CFAP126: variants seen among roughly 807,000 people sequenced by gnomAD.
CFAP126 encodes protein Flattop.
CFAP126 carries 21 observed loss-of-function variants against 17.1 expected under a neutral mutation model. That is an observed-to-expected ratio of 1.23 (90% CI 0.87 to 1.77). The LOEUF (loss-of-function observed/expected upper bound fraction) is 1.77. CFAP126 is among the 40% of genes most tolerant of loss of function. CFAP126 has a pLI of 0.00. For missense variants in CFAP126, 174 were observed against 215.4 expected (o/e 0.81, Z 1.20); for synonymous variants, 65 against 73.5 (o/e 0.88, Z 0.59).
Position 161,366,280 on chromosome 1 carries a change from T to G in CFAP126, c.91-2A>C. The G allele has an allele frequency of 6.2e-7, 1 of 1,613,064 alleles. No homozygotes were observed. The highest frequency in any genetic ancestry group is 8.5e-7 in the Non-Finnish European group (1 of 1,179,088). ...GTAGCCTTCATGAGAAGAGATGCTC[T>G]GGGGTACAAGTGGGAGAGATAAAGG... On this transcript the variant is annotated splice_acceptor_variant, in intron 2 of 4. Transcript: ENST00000367974. LOFTEE classifies it high-confidence loss of function.
At position 161,365,043 on chromosome 1, in the gene CFAP126, G is replaced by C. The variant is rs1440200101; in HGVS notation, c.456C>G (p.Leu152=). Residue 152 remains leucine, a synonymous_variant, in exon 5 of 5, where the codon CTC becomes CTG. Transcript: ENST00000367974. ...AGCTTTGGAGTTCATCTGGGGAATT[G>C]AGGTTGGCAGCTGGGGAGCTTGGAA... is the stretch of plus-strand genomic sequence containing the variant. ...TIIPSSPAAN[L]NSPDELQSSH... is the part of the protein sequence containing the mutation. 4 of 1,614,178 alleles carry C rather than the reference G, an allele frequency of 2.5e-6. No homozygotes were observed. The highest frequency in any genetic ancestry group is 3.4e-6 in the Non-Finnish European group (4 of 1,180,010).
intron 1 of CFAP126, chr1:161,367,323 T>C (rs1672760565): frequency 6.5e-6 from 1 of 152,884 alleles, no homozygotes; most frequent in Non-Finnish European, 1.5e-5. Flanking sequence ...CATATCCATA[T>C]TGCTGCCTGT....
chr1:161,367,742 CTATCTGTT>C, intron 1 of CFAP126, 92 bp downstream of exon 1: 1 of 1,124,960 alleles, frequency 8.9e-7, no homozygotes, highest in Non-Finnish European at 1.4e-6. Context: ...CCACTCTCAG[CTATCTGTT>C]CAAAGATCAG....
intron 1 of CFAP126, 174 bp downstream of exon 1, chr1:161,367,668 A>C: frequency 1.9e-6 from 1 of 525,338 alleles, no homozygotes; most frequent in Non-Finnish European, 3.3e-6. Flanking sequence ...AATTTAACCA[A>C]GAGATACCTT....
At chr1:161,367,466 T>G (rs1410695052) in intron 1 of CFAP126, 2 of 186,884 alleles carry the variant, frequency 1.1e-5, no homozygotes, top group African/African-American at 4.7e-5. Context: ...ATTATTTTCA[T>G]TAGTAGTACA....
Position 161,365,642 on chromosome 1 carries a change from G to A in CFAP126, c.232C>T (p.Arg78Trp), listed in dbSNP as rs752232122. The change falls in exon 4 of 5, where the codon CGG becomes TGG. Residue 78 changes from arginine (R) to tryptophan (W), a missense_variant. Coordinates refer to ENST00000367974, the MANE Select transcript of CFAP126 (RefSeq NM_001013625.4). Reference protein sequence around the residue: ...WQMPLKIPPARVTLTSRTTAG... With the variant: ...WQMPLKIPPAWVTLTSRTTAG... ...GTTGTACGGGAGGTCAGGGTCACCC[G>A]AGCAGGGGGTATCTTCAGAGGCATT... The A allele has an allele frequency of 1.5e-5, 24 of 1,613,616 alleles. No homozygotes were observed. Among genetic ancestry groups the A allele is most frequent in the Middle Eastern group, 1.6e-4 (1 of 6,076 alleles).
chr1:161,366,777 T>G, intron 1 of CFAP126: 1 of 437,604 alleles, frequency 2.3e-6, no homozygotes, highest in Non-Finnish European at 4.0e-6. Flanking sequence ...AGTTTTTTTC[T>G]TTTCTTTTTT....
chr1:161,365,939 G>T lies in CFAP126; in HGVS notation c.172-237C>A, dbSNP rs1672714219. The T allele has an allele frequency of 6.6e-6, 4 of 604,970 alleles. No homozygotes were observed. The South Asian group carries it at 8.4e-5, about 13-fold the overall frequency. 37.5% of individuals were successfully genotyped at this position (604,970 alleles called of 1,614,324 possible). A position where few individuals can be genotyped will look rare whatever the true frequency, so the allele number is the denominator to read the frequency against. On this transcript the variant is annotated intron_variant, in intron 3 of 4. Coordinates refer to ENST00000367974, the MANE Select transcript of CFAP126 (RefSeq NM_001013625.4). ...CATCCTTAGGCCGAGTGTGGCAAAG[G>T]AGTACCCACTGCACAAATGTCATCA...
chr1:161,365,991 A>G, intron 3 of CFAP126: 1 of 614,234 alleles, frequency 1.6e-6, no homozygotes, highest in Admixed American at 2.9e-5. Flanking sequence ...TATACAGATC[A>G]TTGATCAATT....
intron 1 of CFAP126, 146 bp downstream of exon 1, chr1:161,367,696 C>T: frequency 1.3e-6 from 1 of 755,194 alleles, no homozygotes; most frequent in Non-Finnish European, 2.2e-6. Context: ...CCCCTGGGCT[C>T]TCTCTATCCC....
intron 4 of CFAP126, 127 bp from the exon 5 acceptor site, chr1:161,365,277 A>G (rs989243389): frequency 9.3e-7 from 1 of 1,076,676 alleles, no homozygotes; most frequent in Admixed American, 2.7e-5. Context: ...TTCAAATAAG[A>G]AAAGTTAAAT....
chr1:161,365,429 C>A, intron 4 of CFAP126, 97 bp downstream of exon 4: 1 of 1,426,216 alleles, frequency 7.0e-7, no homozygotes, highest in Non-Finnish European at 9.8e-7. Flanking sequence ...TAGAGGTCCC[C>A]CATGCTGGGA....
intron 1 of CFAP126, 113 bp from the exon 2 acceptor site, chr1:161,366,614 G>T: frequency 1.1e-6 from 1 of 928,138 alleles, no homozygotes; most frequent in Non-Finnish European, 1.8e-6. Flanking sequence ...CAACCATGTA[G>T]GCTTTAAGTC....
chr1:161,365,614 G>A lies in CFAP126; in HGVS notation c.260C>T (p.Ala87Val), dbSNP rs1272443241. The A allele has an allele frequency of 2.5e-6, 4 of 1,614,166 alleles. No individual in the cohort carries two copies. The highest frequency in any genetic ancestry group is 1.1e-5 in the South Asian group (1 of 91,086). ...ARVTLTSRTT[A>V]GAASLTKWIQ... is the part of the protein sequence containing the mutation. The stretch of plus-strand genomic sequence containing the variant: ...CCATTTGGTGAGGGAGGCAGCACCA[G>A]CAGTTGTACGGGAGGTCAGGGTCAC... The change falls in exon 4 of 5, where the codon GCT becomes GTT. Residue 87 changes from alanine (A) to valine (V), a missense_variant. By Grantham distance (64) the Ala-to-Val change is moderately conservative (BLOSUM62 0). Transcript: ENST00000367974.
At chr1:161,366,835 A>G in intron 1 of CFAP126, 1 of 314,876 alleles carries the variant, frequency 3.2e-6, no homozygotes, top group East Asian at 7.7e-5. Flanking sequence ...AGTCAGTGGC[A>G]TGATCCTAGC....
chr1:161,366,641 A>T, intron 1 of CFAP126, 140 bp from the exon 2 acceptor site: 1 of 781,454 alleles, frequency 1.3e-6, no homozygotes, highest in Non-Finnish European at 2.2e-6. Flanking sequence ...ACAAGGGTGT[A>T]ATTTGTTTGG....
intron 1 of CFAP126, chr1:161,366,818 G>A (rs1672746155): frequency 3.1e-6 from 1 of 325,974 alleles, no homozygotes; most frequent in African/African-American, 2.2e-5. Context: ...TCTGCCACCT[G>A]GGTTGGAGTC....
At chr1:161,366,407 G>A in intron 2 of CFAP126, 32 bp downstream of exon 2, 1 of 1,600,892 alleles carries the variant, frequency 6.2e-7, no homozygotes, top group Non-Finnish European at 8.6e-7. Context: ...AGAGCATGAG[G>A]CTATCTTGTA....
At position 161,364,844 on chromosome 1, in the gene CFAP126, A is replaced by G. The variant is rs1386550052; in HGVS notation, c.*121T>C. On this transcript the variant is annotated 3_prime_UTR_variant, in exon 5 of 5. Transcript: ENST00000367974. ...CTCTTGTTTATTTCACTGAGTCGCT[A>G]TACGGGTTTTTCAGTGTGTGGCCAC... 1.6e-5 allele frequency: 15 copies of G among 945,808 alleles called. No homozygotes were observed. The highest frequency in any genetic ancestry group is 7.2e-5 in the Admixed American group (3 of 41,464). The allele number at this position is 945,808 out of a possible 1,614,324, so 58.6% of individuals were successfully genotyped here.
Sources: gnomAD v4.1 joint callset for allele counts on GRCh38, gnomAD v4.1.1 for gene constraint, MANE v1.5 for transcripts, NCBI Gene and HGNC (gene_info 2026-07-23, HGNC 2026-07-21) for gene names.